Variants in ASPA observed in about 807,000 individuals in gnomAD.
ASPA encodes the protein ACY-2.
ASPA carries 25 observed loss-of-function variants against 29.6 expected under a neutral mutation model. That is an observed-to-expected ratio of 0.85 (90% CI 0.62 to 1.18). The LOEUF is 1.18. Ranked by LOEUF, ASPA falls within the 50% of genes most tolerant of loss-of-function variation. The pLI is 0.00. For missense variants in ASPA, 333 were observed against 385.7 expected (o/e 0.86, Z 1.14); for synonymous variants, 131 against 130.3 (o/e 1.01, Z -0.04).
intron 5 of ASPA, among the ~76,000 whole-genome samples, chr17:3,498,306 C>G (rs903172106): frequency 6.6e-6 from 1 of 152,148 alleles, no homozygotes; most frequent in African/African-American, 2.4e-5. Context: ...TTATAAATCT[C>G]TTTGGCTACA....
At position 3,485,328 on chromosome 17, in the gene ASPA, C is replaced by T. The variant is rs1290294763; in HGVS notation, c.526+1736C>T. ...CCTGTACCTCATTCACAGTTTTAATCACACCTATCCCACACAGACTTATAC... is the reference window on the plus strand; with the variant it reads ...CCTGTACCTCATTCACAGTTTTAATTACACCTATCCCACACAGACTTATAC... On this transcript the variant is annotated intron_variant, in intron 3 of 5. Transcript: ENST00000263080. The surrounding 1 kb of genome is among the most constrained non-coding windows in gnomAD (Gnocchi z 4.4). Among the ~76,000 whole-genome samples, 1 of 152,068 alleles carries T rather than the reference C, an allele frequency of 6.6e-6. No individual in the cohort carries two copies. Among genetic ancestry groups the T allele is most frequent in the African/African-American group, 2.4e-5 (1 of 41,400 alleles).
Position 3,483,347 on chromosome 17 carries a change from A to G in ASPA, c.433-152A>G, listed in dbSNP as rs1279281842. ...TTTATTTGTATGTTTTCAAAGCTAT[A>G]ATACCATTGGGTTTTAAAGTATTTC... On this transcript the variant is annotated intron_variant, in intron 2 of 5. Coordinates refer to ENST00000263080, the MANE Select transcript of ASPA (RefSeq NM_000049.4). 7 of 692,874 alleles carry G rather than the reference A, an allele frequency of 1.0e-5. No individual in the cohort carries two copies. In the Middle Eastern group the frequency reaches 7.7e-4, roughly 76 times the overall value. 42.9% of individuals were successfully genotyped at this position (692,874 alleles called of 1,614,324 possible).
chr17:3,489,478 A>G (rs1443539605), intron 4 of ASPA, 136 bp downstream of exon 4: 7 of 686,334 alleles, frequency 1.0e-5, no homozygotes, highest in East Asian at 2.8e-5. Context: ...CTATTCCCCA[A>G]TGGCCAGGAT....
chr17:3,475,340 T>G (rs1597421257), upstream of ASPA: 1 of 152,344 alleles, frequency 6.6e-6, no homozygotes, highest in Non-Finnish European at 1.5e-5. Context: ...GGTTAGCACA[T>G]GCAGTGTGTC....
rs374202239 is a variant in ASPA at position 3,488,682 on chromosome 17, C to G, written c.527-553C>G. Among the ~76,000 whole-genome samples the G allele has an allele frequency of 2.3e-4, 35 of 152,020 alleles. No individual in the cohort carries two copies. The East Asian group carries it at 6.2e-3, about 27-fold the overall frequency. On this transcript the variant is annotated intron_variant, in intron 3 of 5. Transcript: ENST00000263080. The surrounding 1 kb of genome is among the most constrained non-coding windows in gnomAD (Gnocchi z 6.1). ...GAAAAAATAAATAAATAAATAAAAC[C>G]ATTGCACTATTGTGTTAGGATGGAT...
chr17:3,497,377 A>C (rs2073927069), intron 5 of ASPA, among the ~76,000 whole-genome samples: 1 of 152,114 alleles, frequency 6.6e-6, no homozygotes, highest in East Asian at 1.9e-4. Context: ...GTGAACTATA[A>C]ATGGGTAGCA....
chr17:3,475,593 G>C (rs769246794), upstream of ASPA: 1 of 154,238 alleles, frequency 6.5e-6, no homozygotes, highest in Non-Finnish European at 1.4e-5. Context: ...GGTTCAAGAG[G>C]AGGTCTCTGA....
chr17:3,493,471 GA>G (rs1258149676), intron 4 of ASPA, among the ~76,000 whole-genome samples: 2 of 136,580 alleles, frequency 1.5e-5, no homozygotes, highest in Non-Finnish European at 3.0e-5. Flanking sequence ...TGAGGCAGGA[GA>G]ATCGCTTGAA....
At chr17:3,492,533 A>G (rs1363788308) in intron 4 of ASPA, among the ~76,000 whole-genome samples, 1 of 152,006 alleles carries the variant, frequency 6.6e-6, no homozygotes, top group Non-Finnish European at 1.5e-5. Flanking sequence ...GATAGAGTCT[A>G]TTTTTCCACT....
Position 3,503,120 on chromosome 17 carries a change from T to G in ASPA, c.*4032T>G, listed in dbSNP as rs944256952. ...TTAGGCCACAGCAGCCAATAAAGAGTGTTTTTATTCCATGATCTGTACCCC... is the reference window on the plus strand; with the variant it reads ...TTAGGCCACAGCAGCCAATAAAGAGGGTTTTTATTCCATGATCTGTACCCC... On this transcript the variant is annotated 3_prime_UTR_variant, in exon 6 of 6. Transcript: ENST00000263080. 6.6e-6 allele frequency: 1 copy of G among 151,650 alleles called. No individual in the cohort carries two copies. Among genetic ancestry groups the G allele is most frequent in the Non-Finnish European group, 1.5e-5 (1 of 67,964 alleles). 9.4% of individuals were successfully genotyped at this position (151,650 alleles called of 1,614,324 possible).
intron 3 of ASPA, among the ~76,000 whole-genome samples, chr17:3,484,047 G>T (rs1219647560): frequency 1.3e-5 from 2 of 152,150 alleles, no homozygotes; most frequent in Non-Finnish European, 2.9e-5. Flanking sequence ...CTCCAGGCAG[G>T]CTCTAATTGT....
chr17:3,484,623 T>C (rs776977817), intron 3 of ASPA, among the ~76,000 whole-genome samples: 7 of 152,262 alleles, frequency 4.6e-5, no homozygotes, highest in Admixed American at 3.9e-4. Flanking sequence ...CAATCTGCTA[T>C]AGAGCAATAC....
At chr17:3,486,613 C>T (rs1050807798) in intron 3 of ASPA, among the ~76,000 whole-genome samples, 3 of 152,208 alleles carry the variant, frequency 2.0e-5, no homozygotes, top group South Asian at 2.1e-4. Context: ...CTTTCTTGAG[C>T]GCCTCATTAG....
At chr17:3,480,020 C>A (rs1233083090) in intron 1 of ASPA, among the ~76,000 whole-genome samples, 1 of 144,650 alleles carries the variant, frequency 6.9e-6, no homozygotes, top group Non-Finnish European at 1.5e-5. Flanking sequence ...TCTGTACCTG[C>A]AAACTTGTGG....
chr17:3,488,446 C>G lies in ASPA; in HGVS notation c.527-789C>G, dbSNP rs2073765311. Among the ~76,000 whole-genome samples, 1 of 152,152 alleles carries G rather than the reference C, an allele frequency of 6.6e-6. No individual in the cohort carries two copies. Among genetic ancestry groups the G allele is most frequent in the Admixed American group, 6.6e-5 (1 of 15,266 alleles). On this transcript the variant is annotated intron_variant, in intron 3 of 5. Transcript: ENST00000263080. This position sits in a 1 kb window ranked among gnomAD's most constrained non-coding sequence, Gnocchi z 6.1. ...CCGAGAAGGGCAGATTACCTGCGGT[C>G]AGGAGTTTGAGACCAGCCTGACCAA...
rs2073707489 is a variant in ASPA at position 3,485,769 on chromosome 17, AGAC to A, written c.526+2178_526+2180del. ...GCACCTCTGAGTGGATGCCAGTAGAAGACACAAGACTCCTAAAACAGAGACAAA... is the reference window on the plus strand; with the variant it reads ...GCACCTCTGAGTGGATGCCAGTAGAAACAAGACTCCTAAAACAGAGACAAA... On this transcript the variant is annotated intron_variant, in intron 3 of 5. Transcript: ENST00000263080. This position sits in a 1 kb window ranked among gnomAD's most constrained non-coding sequence, Gnocchi z 4.4. 6.6e-6 allele frequency among the ~76,000 whole-genome samples: 1 copy of A among 152,188 alleles called. No homozygotes were observed. Among genetic ancestry groups the A allele is most frequent in the African/African-American group, 2.4e-5 (1 of 41,450 alleles).
chr17:3,485,259 C>T lies in ASPA; in HGVS notation c.526+1667C>T, dbSNP rs542601942. 2.9e-3 allele frequency among the ~76,000 whole-genome samples: 444 copies of T among 152,328 alleles called. 3 individuals are homozygous for T. The highest frequency in any genetic ancestry group is 4.2e-3 in the Non-Finnish European group (283 of 68,030). On this transcript the variant is annotated intron_variant, in intron 3 of 5. Transcript: ENST00000263080. This position sits in a 1 kb window ranked among gnomAD's most constrained non-coding sequence, Gnocchi z 4.4. ...CTCCTGATTCAAGCGATCCTCCCAC[C>T]TTGGCCTCCCAAAGTGCTGGGATTA...
chr17:3,477,234 G>A (rs934937917), intron 1 of ASPA, among the ~76,000 whole-genome samples: 16 of 152,186 alleles, frequency 1.1e-4, no homozygotes, highest in Non-Finnish European at 2.4e-4. Context: ...TAACTTCCAT[G>A]GTGGATTGTT....
At position 3,483,814 on chromosome 17, in the gene ASPA, C is replaced by T. The variant is rs541234348; in HGVS notation, c.526+222C>T. Among the ~76,000 whole-genome samples the T allele has an allele frequency of 2.6e-5, 4 of 152,182 alleles. No individual in the cohort carries two copies. The East Asian group carries it at 7.7e-4, about 29-fold the overall frequency. On this transcript the variant is annotated intron_variant, in intron 3 of 5. Coordinates refer to ENST00000263080, the MANE Select transcript of ASPA (RefSeq NM_000049.4). ...AGTAGCTGGGATTACAGGCATGTGCCACCCTGTAATTTTTGTATTTTTAGT... is the reference window on the plus strand; with the variant it reads ...AGTAGCTGGGATTACAGGCATGTGCTACCCTGTAATTTTTGTATTTTTAGT...
Sources: gnomAD v4.1 joint callset for allele counts (sites outside exome capture counted in the v4.1 genomes callset) on GRCh38, gnomAD v4.1.1 for gene constraint, Gnocchi (gnomAD v3.1) non-coding constraint, MANE v1.5 for transcripts, NCBI Gene and HGNC (gene_info 2026-07-23, HGNC 2026-07-21) for gene names.